The following CFAP46 variants were observed in gnomAD, a reference collection of about 807,000 sequenced individuals.
CFAP46 encodes the protein cilia and flagella associated protein 46.
Under a neutral mutation model 325.7 loss-of-function variants are expected in CFAP46, and 245 were observed. The ratio of observed to expected loss-of-function variants is 0.75; its 90% CI spans 0.68 to 0.84. The LOEUF (loss-of-function observed/expected upper bound fraction) is 0.84, where lower values mean the gene tolerates loss of function less well. Ranked by LOEUF, CFAP46 falls within the 40% of genes least tolerant of loss-of-function variation. The pLI, the probability that CFAP46 is intolerant of heterozygous loss-of-function variation, is 0.00. For missense variants in CFAP46, 3,346 were observed against 3,543.0 expected, an observed-to-expected ratio of 0.94 and a Z score of 1.41; for synonymous variants, 1,523 against 1,495.9, an observed-to-expected ratio of 1.02 and a Z score of -0.42.
chr10:132,823,601 GA>G (rs1847946196), intron 50 of CFAP46, among the ~76,000 whole-genome samples: 2 of 116,054 alleles, frequency 1.7e-5, no homozygotes, highest in Admixed American at 8.4e-5. Flanking sequence ...TGTGTGCGCT[GA>G]TGTGTGCTGT....
intron 50 of CFAP46, among the ~76,000 whole-genome samples, chr10:132,826,094 C>A (rs1187731044): frequency 7.5e-6 from 1 of 133,518 alleles, no homozygotes; most frequent in Non-Finnish European, 1.6e-5. Flanking sequence ...GGAGCCGGAG[C>A]CACAGAGACC....
At position 132,886,198 on chromosome 10, in the gene CFAP46, C is replaced by G. The variant is rs1849128692; in HGVS notation, c.3305-239G>C. Among the ~76,000 whole-genome samples the G allele has an allele frequency of 6.6e-6, 1 of 152,206 alleles. No homozygotes were observed. ...CCGTTGCAGGAAGCAGCTGTCTTGT[C>G]TCCTTGCTGCCTGTCACTCTCCATC... On this transcript the variant is annotated intron_variant, in intron 25 of 57. Transcript: ENST00000368586. The surrounding 1 kb of genome is among the most constrained non-coding windows in gnomAD (Gnocchi z 5.8).
intron 54 of CFAP46, 21 bp from the exon 55 acceptor site, chr10:132,812,918 T>C (rs1591027718): frequency 6.3e-7 from 1 of 1,577,894 alleles, no homozygotes; most frequent in African/African-American, 1.3e-5. Context: ...AGGAGAGCGC[T>C]GGTCAACAGT....
At chr10:132,825,442 T>C (rs1848029816) in intron 50 of CFAP46, among the ~76,000 whole-genome samples, 1 of 152,138 alleles carries the variant, frequency 6.6e-6, no homozygotes, top group Non-Finnish European at 1.5e-5. Context: ...GAGGAGCCTT[T>C]GGGAGGCGAT....
At chr10:132,822,451 T>A (rs1401975235) in intron 50 of CFAP46, among the ~76,000 whole-genome samples, 5 of 143,866 alleles carry the variant, frequency 3.5e-5, no homozygotes, top group African/African-American at 1.3e-4. Flanking sequence ...TGCAGTGATG[T>A]GTGCTGTGTG....
rs1210774428 is a variant in CFAP46 at position 132,808,825 on chromosome 10, G to T, written c.7744C>A (p.Pro2582Thr). ...RAPSHHAQLGPVWAAAPSHRV... is the reference protein window; with the variant it reads ...RAPSHHAQLGTVWAAAPSHRV... ...TGGCTTGGTGCGGCAGCCCATACAG[G>T]ACCAAGTTGAGCGTGGTGGGAAGGA... The change falls in exon 58 of 58, where the codon CCT becomes ACT. Residue 2582 changes from proline to threonine, a missense_variant. Physicochemically the swap from Pro to Thr is conservative, Grantham distance 38. Coordinates refer to ENST00000368586, the MANE Select transcript of CFAP46 (RefSeq NM_001200049.3). This position sits in a 1 kb window ranked among gnomAD's most constrained non-coding sequence, Gnocchi z 6.8. 11 of 1,607,378 alleles carry T rather than the reference G, an allele frequency of 6.8e-6. No individual in the cohort carries two copies. The highest frequency in any genetic ancestry group is 9.4e-6 in the Non-Finnish European group (11 of 1,176,104).
At chr10:132,822,525 C>G (rs867128860) in intron 50 of CFAP46, among the ~76,000 whole-genome samples, 1 of 75,234 alleles carries the variant, frequency 1.3e-5, no homozygotes, top group African/African-American at 5.3e-5. Flanking sequence ...TGTGTGCTGA[C>G]GTGTGCTGTG....
At position 132,808,775 on chromosome 10, in the gene CFAP46, G is replaced by A. The variant is rs976287284; in HGVS notation, c.7794C>T (p.Cys2598=). The A allele has an allele frequency of 1.5e-5, 24 of 1,593,820 alleles. No homozygotes were observed. In the Admixed American group the frequency reaches 3.7e-4, roughly 25 times the overall value. ...CTGGGGCCCCAGCAGCTGATGGGAGGCAGGTCCAGGCCTGCACTACCCGAT... is the reference window on the plus strand; with the variant it reads ...CTGGGGCCCCAGCAGCTGATGGGAGACAGGTCCAGGCCTGCACTACCCGAT... ...PSHRVVQAWT[C]LPSAAGAPAL... is the part of the protein sequence containing the mutation. Residue 2598 remains cysteine, a synonymous_variant, in exon 58 of 58, where the codon TGC becomes TGT. Coordinates refer to ENST00000368586, the MANE Select transcript of CFAP46 (RefSeq NM_001200049.3). This position sits in a 1 kb window ranked among gnomAD's most constrained non-coding sequence, Gnocchi z 6.8.
At chr10:132,813,060 T>C (rs1469226799) in intron 54 of CFAP46, among the ~76,000 whole-genome samples, 163 bp from the exon 55 acceptor site, 3 of 152,142 alleles carry the variant, frequency 2.0e-5, no homozygotes, top group Non-Finnish European at 2.9e-5. Flanking sequence ...CTCCCTCCTC[T>C]GTGCTCTGAT....
intron 22 of CFAP46, among the ~76,000 whole-genome samples, chr10:132,904,599 G>T (rs545407579): frequency 6.6e-6 from 1 of 152,182 alleles, no homozygotes; most frequent in East Asian, 1.9e-4. Context: ...GCAGTGGCAC[G>T]GCCAGGGCGC....
At chr10:132,880,745 G>A in intron 28 of CFAP46, 116 bp downstream of exon 28, 1 of 1,231,686 alleles carries the variant, frequency 8.1e-7, no homozygotes, top group Non-Finnish European at 1.1e-6. Flanking sequence ...GGGGCTCCTG[G>A]CCTCCAAAGC....
chr10:132,872,914 C>T, intron 31 of CFAP46, 90 bp from the exon 32 acceptor site: 1 of 1,417,266 alleles, frequency 7.1e-7, no homozygotes, highest in African/African-American at 1.4e-5. Flanking sequence ...TCCCTCCCTC[C>T]CCATGCCAGC....
chr10:132,859,194 G>T lies in CFAP46; in HGVS notation c.5252C>A (p.Thr1751Lys), dbSNP rs986119142. The change falls in exon 38 of 58, where the codon ACA (threonine) becomes AAA (lysine). Residue 1751 changes from threonine (T) to lysine (K), a missense_variant. Coordinates refer to ENST00000368586, the MANE Select transcript of CFAP46 (RefSeq NM_001200049.3). ...CTCTTTCAGTAGCAACGAGCACTCTGTGGGTTCAGTGACCGCTGAGTGCTG... is the reference window on the plus strand; with the variant it reads ...CTCTTTCAGTAGCAACGAGCACTCTTTGGGTTCAGTGACCGCTGAGTGCTG... The part of the protein sequence containing the change: ...VAQHSAVTEP[T>K]ECSLLLKEMD... 3 of 1,550,322 alleles carry T rather than the reference G, an allele frequency of 1.9e-6. No homozygotes were observed. The highest frequency in any genetic ancestry group is 2.7e-5 in the African/African-American group (2 of 73,046).
chr10:132,937,620 A>C lies in CFAP46; in HGVS notation c.592T>G (p.Cys198Gly). Residue 198 changes from cysteine (C) to glycine (G), a missense_variant, in exon 6 of 58, where the codon TGC (cysteine) becomes GGC (glycine). Cys to Gly is a radical substitution (Grantham distance 159). Coordinates refer to ENST00000368586, the MANE Select transcript of CFAP46 (RefSeq NM_001200049.3). ...AGRKEEAARF[C>G]STAAPFIKSH... ...TTAATGAACGGAGCTGCCGTGGAGC[A>C]GAACCTGGCAGCCTCCTCCTTTCTT... 6.2e-7 allele frequency: 1 copy of C among 1,613,260 alleles called. No individual in the cohort carries two copies. Among genetic ancestry groups the C allele is most frequent in the South Asian group, 1.1e-5 (1 of 90,938 alleles).
Position 132,876,357 on chromosome 10 carries a change from A to T in CFAP46, c.4362+455T>A, listed in dbSNP as rs1156250203. Among the ~76,000 whole-genome samples the T allele has an allele frequency of 2.6e-5, 4 of 152,160 alleles. No individual in the cohort carries two copies. The highest frequency in any genetic ancestry group is 9.7e-5 in the African/African-American group (4 of 41,416). On this transcript the variant is annotated intron_variant, in intron 31 of 57. Transcript: ENST00000368586. This position sits in a 1 kb window ranked among gnomAD's most constrained non-coding sequence, Gnocchi z 4.1. The stretch of plus-strand genomic sequence containing the variant: ...TCTGTGGGAGGGAGCGGGAGATTTG[A>T]TCCACACAAAAGAGGAGGCCACGTG...
chr10:132,885,593 A>T (rs1199267739), intron 26 of CFAP46, among the ~76,000 whole-genome samples: 1 of 142,230 alleles, frequency 7.0e-6, no homozygotes, highest in African/African-American at 2.6e-5. Context: ...AGGGGAGCAC[A>T]CTCTGGGTGG....
intron 8 of CFAP46, among the ~76,000 whole-genome samples, chr10:132,932,276 C>A (rs535938375): frequency 6.3e-5 from 9 of 142,794 alleles, no homozygotes; most frequent in South Asian, 2.3e-4. Flanking sequence ...AGAGCCTGGG[C>A]CTCCCTCCTC....
chr10:132,887,114 CCT>C (rs557906059), intron 25 of CFAP46, among the ~76,000 whole-genome samples: 2 of 135,888 alleles, frequency 1.5e-5, no homozygotes, highest in East Asian at 2.3e-4. Flanking sequence ...TCCTCTTTCA[CCT>C]CTCTCTCTCC....
In CFAP46 at chr10:132,892,373, G is replaced by T. The variant is rs1231878360; in HGVS notation, c.3264C>A (p.Asp1088Glu). ...TLLLHQWPTA[D>E]FQGGGTTEGY... is the part of the protein sequence containing the mutation. Reference sequence around the variant, plus strand: ...CTTCGGTCGTCCCGCCACCCTGGAAGTCGGCCGTGGGCCACTGGTGCAGAA... The same window carrying T: ...CTTCGGTCGTCCCGCCACCCTGGAATTCGGCCGTGGGCCACTGGTGCAGAA... Residue 1088 changes from aspartate to glutamate, a missense_variant, in exon 25 of 58, where the codon GAC becomes GAA. Transcript: ENST00000368586. 6.4e-6 allele frequency: 10 copies of T among 1,550,914 alleles called. No individual in the cohort carries two copies. Among genetic ancestry groups the T allele is most frequent in the Non-Finnish European group, 8.7e-6 (10 of 1,147,078 alleles).
Sources: allele counts gnomAD v4.1 joint callset (sites outside exome capture counted in the v4.1 genomes callset), GRCh38; gene constraint gnomAD v4.1.1; non-coding constraint Gnocchi (gnomAD v3.1); transcripts MANE v1.5; gene names NCBI Gene and HGNC (gene_info 2026-07-23, HGNC 2026-07-21).